The following FMN2 variants were observed in gnomAD, a reference collection of about 807,000 sequenced individuals.
FMN2 encodes the protein formin-2.
FMN2 carries 51 observed loss-of-function variants against 142.3 expected under a neutral mutation model. The ratio of observed to expected loss-of-function variants is 0.36; its 90% CI spans 0.29 to 0.45. The LOEUF (loss-of-function observed/expected upper bound fraction) is 0.45, where lower values mean the gene tolerates loss of function less well. Among genes scored for constraint, FMN2 ranks in the 20% least tolerant of loss-of-function variants. The pLI, the probability that FMN2 is intolerant of heterozygous loss-of-function variation, is 1.00. For missense variants in FMN2, 1,936 were observed against 2,122.8 expected (o/e 0.91, Z 1.73); for synonymous variants, 882 against 869.8 (o/e 1.01, Z -0.25).
At chr1:240,162,685 T>C (rs1169447618) in intron 2 of FMN2, among the ~76,000 whole-genome samples, 1 of 152,180 alleles carries the variant, frequency 6.6e-6, no homozygotes, top group African/African-American at 2.4e-5. Context: ...AATACTTGAT[T>C]ATACTTGCCA....
intron 7 of FMN2, among the ~76,000 whole-genome samples, chr1:240,271,445 G>A (rs1283265161): frequency 6.9e-6 from 1 of 145,976 alleles, no homozygotes; most frequent in Non-Finnish European, 1.5e-5. Flanking sequence ...TGAAACTCAA[G>A]CTTATAAGGC....
At chr1:240,453,991 G>T (rs1479062168) in intron 16 of FMN2, among the ~76,000 whole-genome samples, 1 of 6,818 alleles carries the variant, frequency 1.5e-4, no homozygotes, top group Non-Finnish European at 4.0e-4. Flanking sequence ...GCGAGACTCT[G>T]CCTCAAAAAA....
chr1:240,181,089 C>G (rs2103329775), intron 3 of FMN2, among the ~76,000 whole-genome samples: 1 of 152,198 alleles, frequency 6.6e-6, no homozygotes, highest in African/African-American at 2.4e-5. Flanking sequence ...ACTGCAACCA[C>G]CGTCTCCCGG....
chr1:240,424,893 C>T (rs1380816142), intron 15 of FMN2, among the ~76,000 whole-genome samples: 1 of 152,140 alleles, frequency 6.6e-6, no homozygotes, highest in Non-Finnish European at 1.5e-5. Flanking sequence ...TGTCTAGGCC[C>T]CTTGTTCAGG....
chr1:240,195,618 G>T (rs1014298201), intron 4 of FMN2, among the ~76,000 whole-genome samples: 4 of 152,024 alleles, frequency 2.6e-5, no homozygotes, highest in African/African-American at 7.3e-5. Context: ...ATCTAAACCT[G>T]TATTTTTTCT....
chr1:240,441,693 T>A (rs943406035), intron 16 of FMN2, among the ~76,000 whole-genome samples: 5 of 151,376 alleles, frequency 3.3e-5, no homozygotes, highest in Non-Finnish European at 5.9e-5. Flanking sequence ...AGCTCTCATA[T>A]CTGGTATGGT....
chr1:240,414,150 A>G (rs1163233158), intron 15 of FMN2, among the ~76,000 whole-genome samples: 1 of 152,140 alleles, frequency 6.6e-6, no homozygotes, highest in Non-Finnish European at 1.5e-5. Context: ...CCTACGTGAG[A>G]AAGGGAGTTC....
intron 16 of FMN2, among the ~76,000 whole-genome samples, chr1:240,441,444 T>G (rs1675615297): frequency 6.6e-6 from 1 of 152,130 alleles, no homozygotes; most frequent in South Asian, 2.1e-4. Context: ...GAACCTCAAG[T>G]GGAATTACAA....
At chr1:240,368,758 T>G (rs190094125) in intron 14 of FMN2, among the ~76,000 whole-genome samples, 1 of 152,104 alleles carries the variant, frequency 6.6e-6, no homozygotes, top group Non-Finnish European at 1.5e-5. Flanking sequence ...GGGGCATAAT[T>G]AGAGGAATAC....
chr1:240,294,724 C>A, intron 7 of FMN2, 98 bp from the exon 8 acceptor site: 1 of 1,050,814 alleles, frequency 9.5e-7, no homozygotes, highest in East Asian at 2.4e-5. Context: ...AGCCCCTGCT[C>A]CCTCTGGCTG....
chr1:240,332,088 T>C (rs1372714839), intron 11 of FMN2, among the ~76,000 whole-genome samples: 1 of 152,170 alleles, frequency 6.6e-6, no homozygotes, highest in African/African-American at 2.4e-5. Flanking sequence ...TATTCTTTCA[T>C]TGAGCATCTA....
intron 11 of FMN2, among the ~76,000 whole-genome samples, chr1:240,332,798 GA>G (rs1414509220): frequency 1.3e-5 from 2 of 152,068 alleles, no homozygotes; most frequent in Admixed American, 6.6e-5. Context: ...GACCTCCATG[GA>G]CAGAGCTGTT....
At chr1:240,254,666 T>G (rs1487453957) in intron 6 of FMN2, among the ~76,000 whole-genome samples, 1 of 152,054 alleles carries the variant, frequency 6.6e-6, no homozygotes, top group Non-Finnish European at 1.5e-5. Context: ...AACAGGTGAC[T>G]GGGGGAGCTT....
At chr1:240,232,909 C>A (rs983003816) in intron 6 of FMN2, among the ~76,000 whole-genome samples, 3 of 152,074 alleles carry the variant, frequency 2.0e-5, no homozygotes, top group Non-Finnish European at 2.9e-5. Context: ...CTTACTGTGG[C>A]CTTGCTGTTT....
intron 7 of FMN2, among the ~76,000 whole-genome samples, chr1:240,277,248 A>G (rs1344222074): frequency 1.3e-5 from 2 of 152,172 alleles, no homozygotes; most frequent in Non-Finnish European, 2.9e-5. Context: ...GAGAATACAG[A>G]TTGAGTTATT....
intron 2 of FMN2, among the ~76,000 whole-genome samples, chr1:240,159,937 G>GA (rs1664202367): frequency 1.4e-5 from 1 of 71,264 alleles, no homozygotes; most frequent in African/African-American, 4.2e-5. Flanking sequence ...ATATATTTGT[G>GA]TATATATATA....
intron 7 of FMN2, among the ~76,000 whole-genome samples, chr1:240,281,496 A>G (rs1669394840): frequency 6.6e-6 from 1 of 152,156 alleles, no homozygotes; most frequent in Non-Finnish European, 1.5e-5. Context: ...GGACAAGAGT[A>G]CCTAGCTCAG....
intron 15 of FMN2, among the ~76,000 whole-genome samples, chr1:240,431,229 T>C (rs1211071191): frequency 6.6e-6 from 1 of 151,744 alleles, no homozygotes; most frequent in Non-Finnish European, 1.5e-5. Context: ...CTTTCCCCAG[T>C]GGTCTTTTCC....
chr1:240,348,973 G>A (rs182586742), intron 13 of FMN2, among the ~76,000 whole-genome samples: 1 of 152,288 alleles, frequency 6.6e-6, no homozygotes, highest in Non-Finnish European at 1.5e-5. Context: ...GGTGCACAGG[G>A]CAATGACTGA....
Sources: allele counts gnomAD v4.1 joint callset (sites outside exome capture counted in the v4.1 genomes callset), GRCh38; gene constraint gnomAD v4.1.1; transcripts MANE v1.5; gene names NCBI Gene and HGNC (gene_info 2026-07-23, HGNC 2026-07-21).